The following BPTF variants were observed in gnomAD, a reference collection of about 807,000 sequenced individuals.
BPTF encodes bromodomain PHD finger transcription factor.
A neutral mutation model predicts 292.5 loss-of-function variants in BPTF; 18 were observed. The ratio of observed to expected loss-of-function variants is 0.06; its 90% CI spans 0.04 to 0.09. The LOEUF is 0.09. Ranked by LOEUF, BPTF falls within the 10% of genes least tolerant of loss-of-function variation. The pLI is 1.00. For synonymous variants in BPTF, 1,225 were observed against 1,251.9 expected (o/e 0.98, Z 0.45); for missense variants, 2,726 against 3,498.7 (o/e 0.78, Z 5.57).
chr17:67,855,812 T>C (rs996565649), intron 2 of BPTF, among the ~76,000 whole-genome samples: 2 of 152,164 alleles, frequency 1.3e-5, no homozygotes, highest in Admixed American at 6.5e-5. Flanking sequence ...TAGGATGAAA[T>C]GAATGTCAGA....
At chr17:67,916,672 A>G (rs562886164) in intron 11 of BPTF, among the ~76,000 whole-genome samples, 3 of 151,888 alleles carry the variant, frequency 2.0e-5, no homozygotes, top group Non-Finnish European at 4.4e-5. Flanking sequence ...AGGCTGAGGC[A>G]GAAGAATTGC....
At chr17:67,965,305 GGC>G (rs2067978745) in intron 25 of BPTF, 1 of 151,668 alleles carries the variant, frequency 6.6e-6, no homozygotes, top group African/African-American at 2.4e-5. Flanking sequence ...ATCGAGCCAC[GGC>G]ACTCTAGCCC....
intron 4 of BPTF, among the ~76,000 whole-genome samples, chr17:67,888,928 T>C (rs2060923755): frequency 2.0e-5 from 3 of 152,184 alleles, no homozygotes; most frequent in Admixed American, 2.0e-4. Flanking sequence ...TTTCTGACAG[T>C]AGCACTCACT....
At chr17:67,867,640 T>C (rs2059464442) in intron 3 of BPTF, among the ~76,000 whole-genome samples, 1 of 152,204 alleles carries the variant, frequency 6.6e-6, no homozygotes, top group South Asian at 2.1e-4. Context: ...TTTCCTTGTT[T>C]TTGATGGCCT....
chr17:67,875,291 A>G (rs1445874577), intron 4 of BPTF, among the ~76,000 whole-genome samples: 1 of 152,216 alleles, frequency 6.6e-6, no homozygotes, highest in Non-Finnish European at 1.5e-5. Flanking sequence ...ATTCTTTAAT[A>G]TTATACCAGA....
Position 67,982,184 on chromosome 17 carries a change from C to T in BPTF, c.8727-68C>T, listed in dbSNP as rs1278478734. The T allele has an allele frequency of 1.1e-5, 15 of 1,412,448 alleles. 1 individual carries two copies. Among genetic ancestry groups the T allele is most frequent in the Admixed American group, 3.4e-5 (2 of 58,742 alleles). 87.5% of individuals were successfully genotyped at this position (1,412,448 alleles called of 1,614,324 possible). ...TCCCAGACTGACTGACCTTGGCATC[C>T]GCATAAAGCATCATTGTTTTCAAAA... On this transcript the variant is annotated intron_variant, in intron 27 of 27. Coordinates refer to ENST00000306378, the MANE Select transcript of BPTF (RefSeq NM_182641.4).
intron 1 of BPTF, among the ~76,000 whole-genome samples, chr17:67,831,842 C>T (rs546206567): frequency 2.6e-5 from 4 of 152,224 alleles, no homozygotes; most frequent in South Asian, 4.2e-4. Context: ...TGCCTGCTTA[C>T]GGTGGTTATG....
chr17:67,888,345 T>C (rs1295300844), intron 4 of BPTF, among the ~76,000 whole-genome samples: 1 of 152,040 alleles, frequency 6.6e-6, no homozygotes, highest in African/African-American at 2.4e-5. Context: ...TCCCAGCACT[T>C]TGGGAGGCCA....
At position 67,911,906 on chromosome 17, in the gene BPTF, C is replaced by T; in HGVS notation, c.4022C>T (p.Ser1341Phe). The T allele has an allele frequency of 2.5e-6, 4 of 1,613,924 alleles. No individual in the cohort carries two copies. Among genetic ancestry groups the T allele is most frequent in the Non-Finnish European group, 3.4e-6 (4 of 1,179,986 alleles). ...AAGTGTGAGTTGGTTTCTGGTGAGTCCACTGGAAACTGTGAGGACAGGCTG... is the reference window on the plus strand; with the variant it reads ...AAGTGTGAGTTGGTTTCTGGTGAGTTCACTGGAAACTGTGAGGACAGGCTG... ...PLKCELVSGE[S>F]TGNCEDRLPV... Residue 1341 changes from serine to phenylalanine, a missense_variant, in exon 11 of 28, where the codon TCC (serine) becomes TTC (phenylalanine). Physicochemically the swap from Ser to Phe is radical, Grantham distance 155. Coordinates refer to ENST00000306378, the MANE Select transcript of BPTF (RefSeq NM_182641.4).
intron 3 of BPTF, among the ~76,000 whole-genome samples, chr17:67,867,429 G>T (rs2059454403): frequency 6.6e-6 from 1 of 152,170 alleles, no homozygotes; most frequent in South Asian, 2.1e-4. Flanking sequence ...GCACTTGGTT[G>T]CCCCTGTTAT....
chr17:67,936,409 A>G (rs1300650014), intron 18 of BPTF, among the ~76,000 whole-genome samples: 3 of 152,222 alleles, frequency 2.0e-5, no homozygotes, highest in South Asian at 2.1e-4. Flanking sequence ...TGTTTTCTAT[A>G]TACTTAGAAA....
chr17:67,940,535 A>C lies in BPTF; in HGVS notation c.6356A>C (p.Lys2119Thr). 6.2e-7 allele frequency: 1 copy of C among 1,614,136 alleles called. No homozygotes were observed. Among genetic ancestry groups the C allele is most frequent in the Non-Finnish European group, 8.5e-7 (1 of 1,180,020 alleles). ...ACGGTTTCCTCAACACCTGGGCAGA[A>C]AAGCTTAACTTCAGCAACGTCCACT... ...PNTVSSTPGQKSLTSATSTSN... is the reference protein window; with the variant it reads ...PNTVSSTPGQTSLTSATSTSN... Residue 2119 changes from lysine (K) to threonine (T), a missense_variant, in exon 19 of 28, where the codon AAA becomes ACA. Physicochemically the swap from Lys to Thr is moderately conservative, Grantham distance 78. Coordinates refer to ENST00000306378, the MANE Select transcript of BPTF (RefSeq NM_182641.4).
chr17:67,834,024 T>C (rs2056934210), intron 1 of BPTF, among the ~76,000 whole-genome samples: 2 of 152,184 alleles, frequency 1.3e-5, no homozygotes, highest in African/African-American at 2.4e-5. Flanking sequence ...TCATCTCGAA[T>C]GGATCTAGTA....
At chr17:67,860,079 C>T (rs2058984012) in intron 2 of BPTF, among the ~76,000 whole-genome samples, 1 of 152,068 alleles carries the variant, frequency 6.6e-6, no homozygotes, top group South Asian at 2.1e-4. Context: ...ATTCAAATTG[C>T]CTTTTTTGAT....
In BPTF at chr17:67,964,342, G is replaced by A; in HGVS notation, c.8392G>A (p.Val2798Met). The change falls in exon 25 of 28, where the codon GTG becomes ATG. Residue 2798 changes from valine to methionine, a missense_variant. Coordinates refer to ENST00000306378, the MANE Select transcript of BPTF (RefSeq NM_182641.4). ...QCQSTEDAMT[V>M]LTPLTEKDYE... is the part of the protein sequence containing the mutation. ...CCAGTCAACAGAGGATGCCATGACA[G>A]TGCTCACGCCACTAACAGAGAAGGA... The A allele has an allele frequency of 6.2e-7, 1 of 1,614,208 alleles. No individual in the cohort carries two copies. The highest frequency in any genetic ancestry group is 1.1e-5 in the South Asian group (1 of 91,084).
chr17:67,929,523 T>C, intron 17 of BPTF, 36 bp downstream of exon 17: 1 of 1,599,234 alleles, frequency 6.3e-7, no homozygotes, highest in Non-Finnish European at 8.5e-7. Flanking sequence ...GTTTGATGTG[T>C]TGAGCACATC....
intron 15 of BPTF, among the ~76,000 whole-genome samples, chr17:67,927,569 A>G (rs941212008): frequency 6.6e-6 from 1 of 152,154 alleles, no homozygotes; most frequent in African/African-American, 2.4e-5. Context: ...ACATGTTTTT[A>G]TAGTTGGATA....
At chr17:67,890,425 A>T (rs528856052) in intron 4 of BPTF, among the ~76,000 whole-genome samples, 1 of 152,248 alleles carries the variant, frequency 6.6e-6, no homozygotes, top group South Asian at 2.1e-4. Context: ...CCAACTTCTG[A>T]TTTACACCCT....
rs868522803 is a variant in BPTF at position 67,874,894 on chromosome 17, A to G, written c.1738A>G (p.Lys580Glu). Reference protein sequence around the residue: ...VKSPEETEKDKNETENDSKDA... With the variant: ...VKSPEETEKDENETENDSKDA... ...AAGCCCAGAAGAAACAGAAAAAGAC[A>G]AGAATGAGACTGAGAATGACTCTAA... Residue 580 changes from lysine (K) to glutamate (E), a missense_variant, in exon 4 of 28, where the codon AAG becomes GAG. Lys to Glu is a moderately conservative substitution (Grantham distance 56). Transcript: ENST00000306378. 6.2e-7 allele frequency: 1 copy of G among 1,613,876 alleles called. No homozygotes were observed. Among genetic ancestry groups the G allele is most frequent in the South Asian group, 1.1e-5 (1 of 91,044 alleles).
Sources: gnomAD v4.1 joint callset for allele counts (sites outside exome capture counted in the v4.1 genomes callset) on GRCh38, gnomAD v4.1.1 for gene constraint, MANE v1.5 for transcripts, NCBI Gene and HGNC (gene_info 2026-07-23, HGNC 2026-07-21) for gene names.